The following DIPK1A variants were observed in gnomAD, a reference collection of about 807,000 sequenced individuals.
DIPK1A encodes the protein family with sequence similarity 69 member A.
Under a neutral mutation model 40.8 loss-of-function variants are expected in DIPK1A, and 27 were observed. That is an observed-to-expected ratio of 0.66 (90% CI 0.49 to 0.91). DIPK1A has a LOEUF of 0.91. DIPK1A is among the 40% of genes least tolerant of loss of function. The pLI, the probability that DIPK1A is intolerant of heterozygous loss-of-function variation, is 0.00. For synonymous variants in DIPK1A, 166 were observed against 171.3 expected, an observed-to-expected ratio of 0.97 and a Z score of 0.24; for missense variants, 412 against 505.7, an observed-to-expected ratio of 0.81 and a Z score of 1.78.
intron 1 of DIPK1A, among the ~76,000 whole-genome samples, chr1:92,958,602 A>C (rs1297070515): frequency 6.6e-6 from 1 of 152,046 alleles, no homozygotes; most frequent in Non-Finnish European, 1.5e-5. Flanking sequence ...TTATACCCTC[A>C]CTCTAAATTA....
intron 1 of DIPK1A, among the ~76,000 whole-genome samples, chr1:92,902,294 G>A (rs1434282933): frequency 1.3e-5 from 2 of 152,192 alleles, no homozygotes; most frequent in Non-Finnish European, 2.9e-5. Context: ...AGGTGGAGTA[G>A]CTCCACCTCC....
intron 1 of DIPK1A, among the ~76,000 whole-genome samples, chr1:92,923,143 G>C (rs1319664978): frequency 2.0e-5 from 3 of 151,966 alleles, no homozygotes; most frequent in Non-Finnish European, 4.4e-5. Flanking sequence ...ATGTATGTTT[G>C]TTTTTGTTTT....
chr1:92,924,650 G>C (rs35465654), intron 1 of DIPK1A, among the ~76,000 whole-genome samples: 23 of 152,214 alleles, frequency 1.5e-4, no homozygotes, highest in Non-Finnish European at 3.1e-4. Flanking sequence ...GCTCGGTCCG[G>C]AGTAGGCTTT....
chr1:92,846,108 A>G (rs1273022834), intron 4 of DIPK1A: 1 of 159,084 alleles, frequency 6.3e-6, no homozygotes, highest in Admixed American at 6.2e-5. Context: ...ACTGTATAGA[A>G]TGAGGAGGTG....
At chr1:92,914,800 T>G (rs1433321655) in intron 1 of DIPK1A, among the ~76,000 whole-genome samples, 1 of 145,734 alleles carries the variant, frequency 6.9e-6, no homozygotes, top group African/African-American at 2.5e-5. Flanking sequence ...AAGTAGGCAC[T>G]TAGGGCTGGG....
Position 92,852,507 on chromosome 1 carries a change from A to T in DIPK1A, c.190-1552T>A, listed in dbSNP as rs546356467. Among the ~76,000 whole-genome samples the T allele has an allele frequency of 2.5e-4, 38 of 152,182 alleles. 1 individual carries two copies. In the South Asian group the frequency reaches 5.6e-3, roughly 22 times the overall value. On this transcript the variant is annotated intron_variant, in intron 2 of 4. Transcript: ENST00000370310. The stretch of plus-strand genomic sequence containing the variant: ...AAGAGCGAATCTCCGTCTCAAAAAA[A>T]AAGAAAAAAATTTCTAGAAGAATGT...
intron 1 of DIPK1A, among the ~76,000 whole-genome samples, chr1:92,886,996 T>C (rs2774949): frequency 0.69 from 103,964 of 151,640 alleles, 36,151 homozygotes; most frequent in East Asian, 0.95. Context: ...TTTGCTGACC[T>C]CTGGACTGTT....
chr1:92,862,696 TA>T (rs1188673242), intron 2 of DIPK1A, among the ~76,000 whole-genome samples: 2 of 152,198 alleles, frequency 1.3e-5, no homozygotes, highest in Admixed American at 1.3e-4. Context: ...ACTGACTCTC[TA>T]CTGCTCTGAA....
chr1:92,834,028 T>C (rs1478301165), intron 4 of DIPK1A: 3 of 307,448 alleles, frequency 9.8e-6, no homozygotes, highest in African/African-American at 2.2e-5. Context: ...AGCCCCGAGG[T>C]TGAGGCTGCA....
chr1:92,845,297 T>TG (rs1419101935), intron 4 of DIPK1A, among the ~76,000 whole-genome samples: 91 of 6,070 alleles, frequency 0.015, 1 homozygote, highest in South Asian at 0.045. Context: ...GTACCGTTTT[T>TG]TTTTTTTTTT....
At chr1:92,874,754 T>C (rs190890453) in intron 2 of DIPK1A, among the ~76,000 whole-genome samples, 14 of 152,296 alleles carry the variant, frequency 9.2e-5, no homozygotes, top group Non-Finnish European at 2.1e-4. Context: ...TTTTCTGATG[T>C]AGGGTAGCAG....
chr1:92,848,932 G>A (rs1687719149), intron 3 of DIPK1A, among the ~76,000 whole-genome samples: 1 of 152,116 alleles, frequency 6.6e-6, no homozygotes, highest in Non-Finnish European at 1.5e-5. Context: ...ATTTTCCACT[G>A]CTCCAGATGT....
intron 1 of DIPK1A, among the ~76,000 whole-genome samples, chr1:92,899,239 C>T (rs1178582081): frequency 2.0e-5 from 3 of 152,144 alleles, no homozygotes; most frequent in Admixed American, 2.0e-4. Context: ...GTGTTGGGTT[C>T]ATATATATTT....
intron 2 of DIPK1A, among the ~76,000 whole-genome samples, chr1:92,861,733 T>C (rs1647280675): frequency 6.6e-6 from 1 of 152,086 alleles, no homozygotes; most frequent in African/African-American, 2.4e-5. Context: ...GTTTTAAAAC[T>C]CTTTCCTATG....
chr1:92,845,462 A>C (rs978582574), intron 4 of DIPK1A: 2 of 327,234 alleles, frequency 6.1e-6, no homozygotes, highest in Non-Finnish European at 1.1e-5. Context: ...TGAGCTCAGG[A>C]GTTCTAGACC....
At chr1:92,911,787 G>A (rs1172477895) in intron 1 of DIPK1A, among the ~76,000 whole-genome samples, 1 of 151,848 alleles carries the variant, frequency 6.6e-6, no homozygotes, top group African/African-American at 2.4e-5. Flanking sequence ...GATCACTTGA[G>A]GTCAGGAGTT....
chr1:92,836,232 G>T lies in DIPK1A; in HGVS notation c.475-3198C>A, dbSNP rs1227628823. 3 of 1,613,302 alleles carry T rather than the reference G, an allele frequency of 1.9e-6. No homozygotes were observed. In the East Asian group the frequency reaches 6.7e-5, roughly 36 times the overall value. On this transcript the variant is annotated intron_variant, in intron 4 of 4. Transcript: ENST00000615519. ...CATGGACAAGATCTATGAAGGCCAA[G>T]TGGAGGTGACTGGTGATGAATACAA...
chr1:92,845,405 A>T (rs1400878140), intron 4 of DIPK1A: 1 of 252,690 alleles, frequency 4.0e-6, no homozygotes, highest in Non-Finnish European at 7.8e-6. Flanking sequence ...ACAATTGCTC[A>T]AGCCAGTAAT....
chr1:92,876,453 C>T (rs776283942), intron 1 of DIPK1A, 23 bp from the exon 2 acceptor site: 19 of 1,609,806 alleles, frequency 1.2e-5, no homozygotes, highest in East Asian at 4.5e-5. Flanking sequence ...AAGAACATAA[C>T]GATCATTCAT....
Sources: allele counts gnomAD v4.1 joint callset (sites outside exome capture counted in the v4.1 genomes callset), GRCh38; gene constraint gnomAD v4.1.1; transcripts MANE v1.5; gene names NCBI Gene and HGNC (gene_info 2026-07-23, HGNC 2026-07-21).